CSMD1: variants seen among roughly 807,000 people sequenced by gnomAD.
CSMD1 encodes the protein CUB and sushi domain-containing protein 1.
CSMD1 carries 213 observed loss-of-function variants against 417.5 expected under a neutral mutation model. The ratio of observed to expected loss-of-function variants is 0.51; its 90% CI spans 0.46 to 0.57. CSMD1 has a LOEUF of 0.57. CSMD1 is among the 20% of genes least tolerant of loss of function. CSMD1 has a pLI of 0.00. For synonymous variants in CSMD1, 2,862 were observed against 1,736.8 expected (o/e 1.65, Z -16.11); for missense variants, 6,923 against 4,529.7 (o/e 1.53, Z -15.17).
chr8:3,307,643 T>G (rs935837898), intron 25 of CSMD1, 52 bp downstream of exon 25: 1 of 1,567,140 alleles, frequency 6.4e-7, no homozygotes, highest in South Asian at 1.1e-5. Context: ...GCTACAAGAA[T>G]AGAAGGCATA....
intron 3 of CSMD1, among the ~76,000 whole-genome samples, chr8:4,042,861 C>T (rs1339049013): frequency 1.5e-5 from 2 of 131,816 alleles, no homozygotes; most frequent in African/African-American, 2.9e-5. Flanking sequence ...GGCACGGTGG[C>T]TCATGCCTAT....
At chr8:4,563,025 T>C (rs1002337453) in intron 2 of CSMD1, among the ~76,000 whole-genome samples, 3 of 152,218 alleles carry the variant, frequency 2.0e-5, no homozygotes, top group Non-Finnish European at 4.4e-5. Flanking sequence ...TCCGGTGTTT[T>C]AAACAGTGTT....
intron 1 of CSMD1, among the ~76,000 whole-genome samples, chr8:4,683,937 A>T (rs1806209515): frequency 6.6e-6 from 1 of 152,238 alleles, no homozygotes; most frequent in Non-Finnish European, 1.5e-5. Context: ...ATACAAGAAG[A>T]GTTTTTAATC....
At position 3,544,620 on chromosome 8, in the gene CSMD1, C is replaced by A. The variant is rs566651813; in HGVS notation, c.1344+30325G>T. Among the ~76,000 whole-genome samples the A allele has an allele frequency of 1.4e-4, 22 of 152,142 alleles. 1 individual carries two copies. The South Asian group carries it at 4.4e-3, about 30-fold the overall frequency. On this transcript the variant is annotated intron_variant, in intron 10 of 69. Transcript: ENST00000635120. ...CCCTTTCCAGTAACAAAGGCGGGGG[C>A]CCTGGGAACGGACCGTCCAATCTGA...
intron 2 of CSMD1, among the ~76,000 whole-genome samples, chr8:4,442,975 T>G (rs73660816): frequency 6.6e-6 from 1 of 152,128 alleles, no homozygotes; most frequent in East Asian, 1.9e-4. Context: ...ATCTCCAAAA[T>G]AGTGTCATTG....
intron 41 of CSMD1, among the ~76,000 whole-genome samples, chr8:3,139,756 G>C (rs1033232620): frequency 6.6e-6 from 1 of 152,068 alleles, no homozygotes; most frequent in Non-Finnish European, 1.5e-5. Flanking sequence ...TATTCAAGAT[G>C]CTATTGGGGA....
intron 51 of CSMD1, among the ~76,000 whole-genome samples, chr8:3,019,403 T>A (rs1809157047): frequency 6.6e-6 from 1 of 152,176 alleles, no homozygotes; most frequent in South Asian, 2.1e-4. Context: ...CAGGAGCCTA[T>A]CAGGAAATAA....
At chr8:3,158,982 CA>C (rs1189918250) in intron 38 of CSMD1, among the ~76,000 whole-genome samples, 2 of 152,190 alleles carry the variant, frequency 1.3e-5, no homozygotes, top group African/African-American at 4.8e-5. Flanking sequence ...CCACCTGCCA[CA>C]AAACTAACTT....
chr8:4,908,491 T>C (rs1407857029), intron 1 of CSMD1, among the ~76,000 whole-genome samples: 3 of 152,178 alleles, frequency 2.0e-5, no homozygotes, highest in African/African-American at 7.2e-5. Flanking sequence ...TTTTACGGTG[T>C]ACCTTTTGAA....
chr8:3,199,802 T>C lies in CSMD1; in HGVS notation c.5106A>G (p.Thr1702=), dbSNP rs985037958. 2 of 1,569,772 alleles carry C rather than the reference T, an allele frequency of 1.3e-6. No individual in the cohort carries two copies. Among genetic ancestry groups the C allele is most frequent in the Non-Finnish European group, 8.6e-7 (1 of 1,156,402 alleles). ...TTTGATTTGACGTAGCCAAGGGCAA[T>C]GTTTCCCCTAGAAACGAAAACAGAG... ...SSLSGSHSGE[T]LPLATSNQIL... Residue 1702 remains threonine, a synonymous_variant, in exon 33 of 70, where the codon ACA becomes ACG. Transcript: ENST00000635120.
intron 5 of CSMD1, among the ~76,000 whole-genome samples, chr8:3,865,213 C>T (rs1029025804): frequency 1.3e-5 from 2 of 152,208 alleles, no homozygotes; most frequent in South Asian, 4.1e-4. Flanking sequence ...AAATGACAGA[C>T]ATAAGTCATC....
chr8:4,702,035 A>G (rs941113239), intron 1 of CSMD1, among the ~76,000 whole-genome samples: 1 of 152,200 alleles, frequency 6.6e-6, no homozygotes, highest in Non-Finnish European at 1.5e-5. Flanking sequence ...GCATCTTCTC[A>G]CTTATAAGTG....
chr8:2,990,282 G>A (rs898309308), intron 54 of CSMD1, among the ~76,000 whole-genome samples: 7 of 152,126 alleles, frequency 4.6e-5, no homozygotes, highest in African/African-American at 1.4e-4. Flanking sequence ...GTAGATGTGC[G>A]GATTTCATGT....
At chr8:4,294,598 A>G (rs1231243478) in intron 3 of CSMD1, among the ~76,000 whole-genome samples, 1 of 152,176 alleles carries the variant, frequency 6.6e-6, no homozygotes, top group Non-Finnish European at 1.5e-5. Context: ...AACCAGGTCT[A>G]AGGACTACAG....
intron 1 of CSMD1, among the ~76,000 whole-genome samples, chr8:4,777,297 G>A (rs1449306212): frequency 6.6e-6 from 1 of 152,208 alleles, no homozygotes; most frequent in Non-Finnish European, 1.5e-5. Context: ...TGACTCAGTA[G>A]GTGGACGAAA....
chr8:4,402,966 C>A (rs1338525388), intron 3 of CSMD1, among the ~76,000 whole-genome samples: 1 of 151,624 alleles, frequency 6.6e-6, no homozygotes, highest in Admixed American at 6.6e-5. Context: ...ACTACAGGTA[C>A]CTGCCACCAT....
At chr8:4,252,443 C>A (rs1188446218) in intron 3 of CSMD1, among the ~76,000 whole-genome samples, 2 of 152,172 alleles carry the variant, frequency 1.3e-5, no homozygotes, top group Non-Finnish European at 2.9e-5. Context: ...CTCGAGGGGA[C>A]CTGAATGAGA....
intron 1 of CSMD1, among the ~76,000 whole-genome samples, chr8:4,860,953 T>C (rs1802095950): frequency 6.6e-6 from 1 of 152,110 alleles, no homozygotes; most frequent in Non-Finnish European, 1.5e-5. Context: ...ATATCCTCAG[T>C]TTCAAGAATG....
At chr8:4,854,671 G>T (rs1048215929) in intron 1 of CSMD1, among the ~76,000 whole-genome samples, 1 of 152,088 alleles carries the variant, frequency 6.6e-6, no homozygotes, top group Non-Finnish European at 1.5e-5. Context: ...CTGGAAAATC[G>T]GGTCACTCCC....
Sources: allele counts gnomAD v4.1 joint callset (sites outside exome capture counted in the v4.1 genomes callset), GRCh38; gene constraint gnomAD v4.1.1; transcripts MANE v1.5; gene names NCBI Gene and HGNC (gene_info 2026-07-23, HGNC 2026-07-21).